The following NSD3 variants were observed in gnomAD, a reference collection of about 807,000 sequenced individuals.
NSD3 encodes the protein histone-lysine N-methyltransferase NSD3.
NSD3 carries 24 observed loss-of-function variants against 160.8 expected under a neutral mutation model. The observed-to-expected ratio is 0.15, with a 90% CI of 0.11 to 0.21. NSD3 has a LOEUF of 0.21. Among genes scored for constraint, NSD3 ranks in the 10% least tolerant of loss-of-function variants. NSD3 has a pLI of 1.00. For missense variants in NSD3, 1,157 were observed against 1,735.9 expected, an observed-to-expected ratio of 0.67 and a Z score of 5.93; for synonymous variants, 520 against 600.0, an observed-to-expected ratio of 0.87 and a Z score of 1.95.
rs1447274944 is a variant in NSD3, at chr8:38,321,138, A to C, written c.1743T>G (p.Ile581Met). 1.2e-6 allele frequency: 2 copies of C among 1,613,070 alleles called. No homozygotes were observed. Among genetic ancestry groups the C allele is most frequent in the African/African-American group, 1.3e-5 (1 of 74,934 alleles). Residue 581 changes from isoleucine (I) to methionine (M), a missense_variant, in exon 8 of 24, where the codon ATT becomes ATG. Ile to Met is a conservative substitution (Grantham distance 10). Transcript: ENST00000317025. This position sits in a 1 kb window ranked among gnomAD's most constrained non-coding sequence, Gnocchi z 4.7. ...ATTTCTCTGATTCAGAACGAGTTCT[A>C]ATTGATCTTCTCTGTTGCTTCTTTT... ...SVEKKQQRRS[I>M]RTRSESEKST...
At chr8:38,279,721 G>C (rs1312688053) in intron 20 of NSD3, 40 bp from the exon 21 acceptor site, 2 of 1,590,274 alleles carry the variant, frequency 1.3e-6, no homozygotes, top group African/African-American at 2.7e-5. Flanking sequence ...CATAAATTAA[G>C]TCTCTCCCAG....
chr8:38,320,943 C>T (rs1221192010), intron 8 of NSD3, 129 bp downstream of exon 8: 1 of 788,088 alleles, frequency 1.3e-6, no homozygotes, highest in Non-Finnish European at 2.0e-6. Context: ...CCCACCAGGA[C>T]AGAAGCGTTA....
At chr8:38,301,728 A>G (rs1809280982) in intron 14 of NSD3, among the ~76,000 whole-genome samples, 1 of 152,232 alleles carries the variant, frequency 6.6e-6, no homozygotes. Context: ...TCATTAGGTA[A>G]ATTATTTAAT....
At chr8:38,293,522 C>T (rs1809057942) in intron 16 of NSD3, among the ~76,000 whole-genome samples, 1 of 151,834 alleles carries the variant, frequency 6.6e-6, no homozygotes, top group Non-Finnish European at 1.5e-5. Flanking sequence ...TGCACTCCAG[C>T]CTGGCAACAG....
chr8:38,269,950 C>G lies in NSD3; in HGVS notation c.*5691G>C, dbSNP rs1179786759. On this transcript the variant is annotated 3_prime_UTR_variant, in exon 24 of 24. Coordinates refer to ENST00000317025, the MANE Select transcript of NSD3 (RefSeq NM_023034.2). ...ACAGGCAACCCTAAATACACTATAA[C>G]TAGTCAACAATAAGCTATCTATATA... 1.3e-5 allele frequency: 2 copies of G among 152,178 alleles called. No individual in the cohort carries two copies. Among genetic ancestry groups the G allele is most frequent in the Non-Finnish European group, 2.9e-5 (2 of 68,030 alleles). The allele number at this position is 152,178 out of a possible 1,614,324, so 9.4% of individuals were successfully genotyped here. A position where few individuals can be genotyped will look rare whatever the true frequency, so the allele number is the denominator to read the frequency against.
Position 38,317,126 on chromosome 8 carries a change from G to C in NSD3, c.1856-1084C>G. 9.4e-7 allele frequency: 1 copy of C among 1,062,032 alleles called. No homozygotes were observed. Among genetic ancestry groups the C allele is most frequent in the Non-Finnish European group, 1.1e-6 (1 of 877,202 alleles). The allele number at this position is 1,062,032 out of a possible 1,614,324, so 65.8% of individuals were successfully genotyped here. The stretch of plus-strand genomic sequence containing the variant: ...AAGTCTCCTGAGGCCATGAAGATCC[G>C]CAACAGGCTGAGTGAGAGTAGCACT... On this transcript the variant is annotated intron_variant, in intron 9 of 23. Coordinates refer to ENST00000317025, the MANE Select transcript of NSD3 (RefSeq NM_023034.2). This position sits in a 1 kb window ranked among gnomAD's most constrained non-coding sequence, Gnocchi z 5.3.
chr8:38,269,720 C>A lies in NSD3; in HGVS notation c.*5921G>T, dbSNP rs992593647. 1.3e-5 allele frequency: 2 copies of A among 153,624 alleles called. No individual in the cohort carries two copies. Among genetic ancestry groups the A allele is most frequent in the African/African-American group, 4.8e-5 (2 of 41,494 alleles). The allele number at this position is 153,624 out of a possible 1,614,324, so 9.5% of individuals were successfully genotyped here. ...CATATTTAATTTGGAACATACAGGA[C>A]AATTTATTGAAGTCAATCTCAAGCA... is the stretch of plus-strand genomic sequence containing the variant. On this transcript the variant is annotated 3_prime_UTR_variant, in exon 24 of 24. Transcript: ENST00000317025.
chr8:38,316,492 C>T lies in NSD3; in HGVS notation c.1856-450G>A, dbSNP rs2131022137. ...ATGTGACAAATCTTTGATTTGTATT[C>T]GATTCGTACACGGATAGTGCCATTT... On this transcript the variant is annotated intron_variant, in intron 9 of 23. Coordinates refer to ENST00000317025, the MANE Select transcript of NSD3 (RefSeq NM_023034.2). This position sits in a 1 kb window ranked among gnomAD's most constrained non-coding sequence, Gnocchi z 4.5. The T allele has an allele frequency of 9.6e-7, 1 of 1,046,040 alleles. No individual in the cohort carries two copies. The highest frequency in any genetic ancestry group is 1.2e-6 in the Non-Finnish European group (1 of 866,878). 64.8% of individuals were successfully genotyped at this position (1,046,040 alleles called of 1,614,324 possible).
At chr8:38,361,046 G>A (rs1035882767) in intron 1 of NSD3, among the ~76,000 whole-genome samples, 1 of 151,700 alleles carries the variant, frequency 6.6e-6, no homozygotes, top group African/African-American at 2.4e-5. Flanking sequence ...TTTTTTTTGA[G>A]ACAGAGTCTC....
At chr8:38,362,595 AAG>A (rs990157303) in intron 1 of NSD3, among the ~76,000 whole-genome samples, 22 of 152,170 alleles carry the variant, frequency 1.4e-4, no homozygotes, top group African/African-American at 5.1e-4. Flanking sequence ...CATCATCCAA[AAG>A]AGTCACGACT....
chr8:38,357,115 T>A (rs1810843367), intron 1 of NSD3, among the ~76,000 whole-genome samples: 2 of 47,540 alleles, frequency 4.2e-5, no homozygotes, highest in Admixed American at 3.2e-4. Flanking sequence ...CAAGACACCA[T>A]CTCAAAAAAA....
intron 19 of NSD3, 145 bp from the exon 20 acceptor site, chr8:38,281,728 G>A (rs966900337): frequency 4.2e-6 from 2 of 477,596 alleles, no homozygotes; most frequent in South Asian, 4.6e-5. Flanking sequence ...TTATTCATAG[G>A]CATTCAGGTG....
intron 1 of NSD3, among the ~76,000 whole-genome samples, chr8:38,378,829 A>G (rs565106959): frequency 6.0e-5 from 9 of 150,108 alleles, no homozygotes; most frequent in African/African-American, 2.2e-4. Context: ...ATCTCTCAAA[A>G]AAAAAAAAAA....
In NSD3 at chr8:38,275,750, C is replaced by A; in HGVS notation, c.4205G>T (p.Arg1402Leu). ...GALVPSALEG[R>L]LCCSEHDPMA... ...GGGGTCATGTTCCGAGCAGCAGAGG[C>A]GGCCTTCCAGTGCAGAGGGAACCAG... The change falls in exon 24 of 24, where the codon CGC (arginine) becomes CTC (leucine). Residue 1402 changes from arginine to leucine, a missense_variant. Physicochemically the swap from Arg to Leu is moderately radical, Grantham distance 102. Transcript: ENST00000317025. 1 of 1,614,186 alleles carries A rather than the reference C, an allele frequency of 6.2e-7. No homozygotes were observed.
chr8:38,335,482 T>G (rs1329815613), intron 4 of NSD3, among the ~76,000 whole-genome samples: 1 of 143,816 alleles, frequency 7.0e-6, no homozygotes, highest in African/African-American at 2.5e-5. Context: ...TCCAGAGTTC[T>G]GACATGATGT....
At chr8:38,348,660 T>C (rs1666430908) in intron 1 of NSD3, among the ~76,000 whole-genome samples, 1 of 152,118 alleles carries the variant, frequency 6.6e-6, no homozygotes, top group South Asian at 2.1e-4. Flanking sequence ...AAAATGTTAT[T>C]GCATTTTTTC....
Position 38,274,922 on chromosome 8 carries a change from T to C in NSD3, c.*719A>G, listed in dbSNP as rs998726935. ...CAGTGAGCACATCCATTCCTTTTTT[T>C]CCTTCCACCAAGGAAACACACCATA... is the stretch of plus-strand genomic sequence containing the variant. On this transcript the variant is annotated 3_prime_UTR_variant, in exon 24 of 24. Coordinates refer to ENST00000317025, the MANE Select transcript of NSD3 (RefSeq NM_023034.2). The C allele has an allele frequency of 1.5e-5, 3 of 193,718 alleles. No individual in the cohort carries two copies. Among genetic ancestry groups the C allele is most frequent in the East Asian group, 8.2e-5 (1 of 12,210 alleles). 12.0% of individuals were successfully genotyped at this position (193,718 alleles called of 1,614,324 possible).
At chr8:38,373,654 T>C (rs994362223) in intron 1 of NSD3, among the ~76,000 whole-genome samples, 6 of 152,018 alleles carry the variant, frequency 3.9e-5, no homozygotes, top group African/African-American at 1.2e-4. Flanking sequence ...TCAAATCAAT[T>C]TGATAAACTA....
At chr8:38,333,466 T>C (rs546658435) in intron 4 of NSD3, among the ~76,000 whole-genome samples, 179 of 152,336 alleles carry the variant, frequency 1.2e-3, no homozygotes, top group African/African-American at 3.9e-3. Context: ...CAACTTAAAA[T>C]AGAATTGTGA....
Sources: allele counts gnomAD v4.1 joint callset (sites outside exome capture counted in the v4.1 genomes callset), GRCh38; gene constraint gnomAD v4.1.1; non-coding constraint Gnocchi (gnomAD v3.1); transcripts MANE v1.5; gene names NCBI Gene and HGNC (gene_info 2026-07-23, HGNC 2026-07-21).